ZDHHC14: variants seen among roughly 807,000 people sequenced by gnomAD.
ZDHHC14 encodes the protein zDHHC palmitoyltransferase 14.
ZDHHC14 carries 16 observed loss-of-function variants against 47.7 expected under a neutral mutation model. That is an observed-to-expected ratio of 0.34 (90% CI 0.23 to 0.51). The LOEUF is 0.51. ZDHHC14 is among the 20% of genes least tolerant of loss of function. The probability of loss-of-function intolerance (pLI) is 0.97; values close to 1 mark genes in which losing one functional copy is unlikely to be tolerated. For synonymous variants in ZDHHC14, 293 were observed against 278.9 expected (o/e 1.05, Z -0.50); for missense variants, 515 against 662.5 (o/e 0.78, Z 2.44).
intron 1 of ZDHHC14, among the ~76,000 whole-genome samples, chr6:157,401,334 A>G (rs1054889361): frequency 1.3e-5 from 2 of 152,242 alleles, no homozygotes; most frequent in Admixed American, 6.5e-5. Context: ...CTTTTGGTAC[A>G]CTGTATGTAG....
intron 3 of ZDHHC14, among the ~76,000 whole-genome samples, chr6:157,606,269 A>G (rs1170688673): frequency 6.6e-6 from 1 of 152,070 alleles, no homozygotes; most frequent in Non-Finnish European, 1.5e-5. Context: ...GTTTGAGACT[A>G]GCCATGGCCA....
chr6:157,605,360 C>CT (rs1006000926), intron 3 of ZDHHC14, among the ~76,000 whole-genome samples: 17 of 152,092 alleles, frequency 1.1e-4, no homozygotes, highest in Admixed American at 2.6e-4. Flanking sequence ...TAATGATTAT[C>CT]TTTTTTTAAT....
At chr6:157,610,211 GAGGC>G (rs1355079024) in intron 3 of ZDHHC14, among the ~76,000 whole-genome samples, 1 of 152,206 alleles carries the variant, frequency 6.6e-6, no homozygotes, top group African/African-American at 2.4e-5. Flanking sequence ...TTGGGAGGCC[GAGGC>G]AGGCGGATCA....
chr6:157,457,444 C>T (rs995853867), intron 1 of ZDHHC14, among the ~76,000 whole-genome samples: 6 of 152,184 alleles, frequency 3.9e-5, no homozygotes, highest in Non-Finnish European at 7.3e-5. Flanking sequence ...TTCTGGAGAA[C>T]TATCCTATCA....
At chr6:157,534,078 T>C (rs148584478) in intron 1 of ZDHHC14, among the ~76,000 whole-genome samples, 2 of 152,300 alleles carry the variant, frequency 1.3e-5, no homozygotes, top group Non-Finnish European at 2.9e-5. Context: ...GACTTTCCTA[T>C]ACAGAGTTTC....
chr6:157,570,472 G>T (rs565927143), intron 2 of ZDHHC14, among the ~76,000 whole-genome samples: 1 of 152,168 alleles, frequency 6.6e-6, no homozygotes, highest in African/African-American at 2.4e-5. Context: ...CTTCACTTAC[G>T]CAGCACAGCG....
chr6:157,613,112 T>C (rs1784816506), intron 3 of ZDHHC14, among the ~76,000 whole-genome samples: 1 of 152,182 alleles, frequency 6.6e-6, no homozygotes, highest in African/African-American at 2.4e-5. Context: ...CATGGTGTCT[T>C]TAGGTCTGTG....
intron 1 of ZDHHC14, among the ~76,000 whole-genome samples, chr6:157,531,734 G>A (rs534453088): frequency 8.5e-5 from 13 of 152,328 alleles, no homozygotes; most frequent in South Asian, 2.1e-4. Context: ...GAATGAAGGC[G>A]TGAAGGAGAC....
intron 1 of ZDHHC14, among the ~76,000 whole-genome samples, chr6:157,389,156 A>C (rs1261426569): frequency 1.3e-5 from 2 of 152,154 alleles, no homozygotes; most frequent in Non-Finnish European, 2.9e-5. Context: ...AATTCTGCAG[A>C]TGGCCTAACT....
At chr6:157,645,647 T>C in intron 5 of ZDHHC14, 90 bp from the exon 6 acceptor site, 1 of 977,596 alleles carries the variant, frequency 1.0e-6, no homozygotes, top group Middle Eastern at 3.2e-4. Context: ...GAGAGAGGCC[T>C]GTGCCCGGGG....
At chr6:157,649,707 G>A (rs1238839661) in intron 7 of ZDHHC14, among the ~76,000 whole-genome samples, 1 of 152,244 alleles carries the variant, frequency 6.6e-6, no homozygotes, top group Non-Finnish European at 1.5e-5. Flanking sequence ...CTTACCAAGA[G>A]TTCAGAGACC....
chr6:157,661,125 G>A (rs1778326944), intron 8 of ZDHHC14, among the ~76,000 whole-genome samples: 1 of 152,024 alleles, frequency 6.6e-6, no homozygotes, highest in South Asian at 2.1e-4. Context: ...TCAAGAGGGG[G>A]TGCAAGTTGG....
At chr6:157,540,704 C>T (rs2114800768) in intron 1 of ZDHHC14, among the ~76,000 whole-genome samples, 1 of 152,210 alleles carries the variant, frequency 6.6e-6, no homozygotes. Flanking sequence ...GTTTTACTCA[C>T]TGCCATTGTT....
intron 2 of ZDHHC14, among the ~76,000 whole-genome samples, chr6:157,567,278 G>T (rs1782938952): frequency 6.6e-6 from 1 of 152,164 alleles, no homozygotes; most frequent in Non-Finnish European, 1.5e-5. Flanking sequence ...GATCTAATTG[G>T]ATCTTGTAAT....
At chr6:157,430,617 C>T (rs902917910) in intron 1 of ZDHHC14, among the ~76,000 whole-genome samples, 1 of 152,170 alleles carries the variant, frequency 6.6e-6, no homozygotes, top group Non-Finnish European at 1.5e-5. Context: ...ATTGAGCTCA[C>T]CAGGATAATG....
At chr6:157,385,500 A>G (rs1461067518) in intron 1 of ZDHHC14, among the ~76,000 whole-genome samples, 3 of 152,360 alleles carry the variant, frequency 2.0e-5, no homozygotes, top group Admixed American at 6.5e-5. Context: ...TAACTTAGTC[A>G]TTTAGTTTTA....
chr6:157,413,558 T>C (rs1466460385), intron 1 of ZDHHC14, among the ~76,000 whole-genome samples: 2 of 152,022 alleles, frequency 1.3e-5, no homozygotes, highest in African/African-American at 2.4e-5. Context: ...TTTAAAGGTA[T>C]CTCTGTTTTA....
intron 2 of ZDHHC14, among the ~76,000 whole-genome samples, chr6:157,564,666 C>A (rs1197051882): frequency 6.6e-6 from 1 of 152,194 alleles, no homozygotes; most frequent in Non-Finnish European, 1.5e-5. Context: ...GAAATAATTT[C>A]TTAAATCTGT....
chr6:157,634,492 G>C (rs1268325224), intron 5 of ZDHHC14, among the ~76,000 whole-genome samples: 3 of 152,198 alleles, frequency 2.0e-5, no homozygotes, highest in African/African-American at 4.8e-5. Flanking sequence ...GTGCCCTTCT[G>C]TTTTCAGAGA....
Sources: allele counts gnomAD v4.1 joint callset (sites outside exome capture counted in the v4.1 genomes callset), GRCh38; gene constraint gnomAD v4.1.1; transcripts MANE v1.5; gene names NCBI Gene and HGNC (gene_info 2026-07-23, HGNC 2026-07-21).